EXOSC9: variants seen among roughly 807,000 people sequenced by gnomAD.
EXOSC9 encodes exosome component 9.
In EXOSC9, 38 loss-of-function variants were observed where a neutral mutation model predicts 56.5. The ratio of observed to expected loss-of-function variants is 0.67; its 90% CI spans 0.52 to 0.88. The LOEUF (loss-of-function observed/expected upper bound fraction) is 0.88, where lower values mean the gene tolerates loss of function less well. Among genes scored for constraint, EXOSC9 ranks in the 40% least tolerant of loss-of-function variants. The pLI is 0.00. For synonymous variants in EXOSC9, 170 were observed against 170.8 expected, an observed-to-expected ratio of 0.99 and a Z score of 0.04; for missense variants, 559 against 530.5, an observed-to-expected ratio of 1.05 and a Z score of -0.53.
intron 2 of EXOSC9, 82 bp from the exon 3 acceptor site, chr4:121,802,592 A>T: frequency 7.2e-7 from 1 of 1,390,584 alleles, no homozygotes; most frequent in African/African-American, 1.4e-5. Flanking sequence ...TCACATTAAG[A>T]TTGAAACTTG....
chr4:121,816,635 T>C (rs1056762425), intron 11 of EXOSC9, 137 bp from the exon 12 acceptor site: 1 of 929,264 alleles, frequency 1.1e-6, no homozygotes, highest in Non-Finnish European at 1.6e-6. Context: ...AAATCTATAA[T>C]ATAAACTTCT....
intron 8 of EXOSC9, among the ~76,000 whole-genome samples, chr4:121,812,327 G>A (rs1007409659): frequency 1.3e-5 from 2 of 152,064 alleles, no homozygotes; most frequent in African/African-American, 4.8e-5. Context: ...TTTTTCTTAA[G>A]GATCTTCCTT....
At chr4:121,816,081 G>A (rs1485953428) in intron 10 of EXOSC9, 9 of 682,860 alleles carry the variant, frequency 1.3e-5, no homozygotes, top group Admixed American at 9.9e-5. Context: ...CCTCAGCCTC[G>A]AGTAGCTGGG....
intron 11 of EXOSC9, 85 bp downstream of exon 11, chr4:121,816,532 C>T: frequency 1.1e-6 from 1 of 928,452 alleles, no homozygotes; most frequent in Non-Finnish European, 1.6e-6. Flanking sequence ...CTCATCTTGC[C>T]ACATGACTAT....
At position 121,801,831 on chromosome 4, in the gene EXOSC9, T is replaced by A; in HGVS notation, c.71T>A (p.Leu24Gln). The A allele has an allele frequency of 6.2e-7, 1 of 1,612,606 alleles. No homozygotes were observed. Among genetic ancestry groups the A allele is most frequent in the Non-Finnish European group, 8.5e-7 (1 of 1,178,554 alleles). Residue 24 changes from leucine (L) to glutamine (Q), a missense_variant, in exon 2 of 12, where the codon CTG (leucine) becomes CAG (glutamine). Physicochemically the swap from Leu to Gln is moderately radical, Grantham distance 113. Coordinates refer to ENST00000243498, the MANE Select transcript of EXOSC9 (RefSeq NM_005033.3). Reference sequence around the variant, plus strand: ...TGAATGAATTTGTGCTTACAGCGGCTGGATGGCAGACAAACCTATGATTAT... The same window carrying A: ...TGAATGAATTTGTGCTTACAGCGGCAGGATGGCAGACAAACCTATGATTAT... ...LLRAIEEKKR[L>Q]DGRQTYDYRN...
chr4:121,811,551 C>G (rs747107903), intron 7 of EXOSC9, 32 bp from the exon 8 acceptor site: 10 of 1,318,970 alleles, frequency 7.6e-6, no homozygotes, highest in Admixed American at 2.2e-5. Context: ...GGTTTATTGT[C>G]TTTAAACAAC....
chr4:121,811,257 T>C (rs1486769312), intron 7 of EXOSC9, among the ~76,000 whole-genome samples: 1 of 152,242 alleles, frequency 6.6e-6, no homozygotes, highest in Non-Finnish European at 1.5e-5. Flanking sequence ...TCATCATCTT[T>C]ACCAGCATCA....
chr4:121,815,765 G>A (rs1049597190), intron 10 of EXOSC9: 2 of 996,526 alleles, frequency 2.0e-6, no homozygotes, highest in African/African-American at 3.5e-5. Context: ...ATTTCTGGAG[G>A]AATAGAGTAG....
chr4:121,814,223 A>T (rs1222512392), intron 10 of EXOSC9, 176 bp downstream of exon 10: 5 of 416,566 alleles, frequency 1.2e-5, no homozygotes, highest in Non-Finnish European at 1.7e-5. Flanking sequence ...AGGATACTAT[A>T]TAGAGAGAAT....
At chr4:121,814,102 G>A (rs571405705) in intron 10 of EXOSC9, 55 bp downstream of exon 10, 78 of 1,073,558 alleles carry the variant, frequency 7.3e-5, no homozygotes, top group Middle Eastern at 2.7e-4. Context: ...TAGTATTACC[G>A]TATAGTTATA....
intron 1 of EXOSC9, 43 bp downstream of exon 1, chr4:121,801,533 C>T (rs780863932): frequency 2.5e-6 from 4 of 1,592,910 alleles, no homozygotes; most frequent in Non-Finnish European, 3.4e-6. Context: ...CGTGGGCGCT[C>T]GGGTCTCAAG....
rs780656730 is a variant in EXOSC9, at chr4:121,813,311, C to T, written c.905C>T (p.Pro302Leu). Residue 302 changes from proline (P) to leucine (L), a missense_variant, in exon 9 of 12, where the codon CCT becomes CTT. Physicochemically the swap from Pro to Leu is moderately conservative, Grantham distance 98. Coordinates refer to ENST00000243498, the MANE Select transcript of EXOSC9 (RefSeq NM_005033.3). Reference sequence around the variant, plus strand: ...ACAGCATTTAAAATGGAAAAGGCCCCTATTGATACCTCGGATGTAGAAGAA... The same window carrying T: ...ACAGCATTTAAAATGGAAAAGGCCCTTATTGATACCTCGGATGTAGAAGAA... The part of the protein sequence containing the change: ...RITAFKMEKA[P>L]IDTSDVEEKA... 16 of 1,613,510 alleles carry T rather than the reference C, an allele frequency of 9.9e-6. No individual in the cohort carries two copies. In the South Asian group the frequency reaches 1.8e-4, roughly 18 times the overall value.
At chr4:121,813,001 A>G (rs1450177083) in intron 8 of EXOSC9, among the ~76,000 whole-genome samples, 1 of 152,208 alleles carries the variant, frequency 6.6e-6, no homozygotes, top group East Asian at 1.9e-4. Flanking sequence ...AGAGAATAGT[A>G]TATTTTAAGC....
intron 4 of EXOSC9, among the ~76,000 whole-genome samples, chr4:121,803,744 G>A (rs1260742002): frequency 1.3e-5 from 2 of 151,970 alleles, no homozygotes; most frequent in African/African-American, 4.8e-5. Flanking sequence ...TTCACCAGCA[G>A]GCTAGTCTTG....
chr4:121,801,867 G>T lies in EXOSC9; in HGVS notation c.107G>T (p.Arg36Met). ...CAAACCTATGATTATAGGAACATCA[G>T]GATCTCATTTGGAACAGATTACGGA... The part of the protein sequence containing the change: ...GRQTYDYRNI[R>M]ISFGTDYGCC... Residue 36 changes from arginine (R) to methionine (M), a missense_variant, in exon 2 of 12, where the codon AGG (arginine) becomes ATG (methionine). By Grantham distance (91) the Arg-to-Met change is moderately conservative (BLOSUM62 -1). Coordinates refer to ENST00000243498, the MANE Select transcript of EXOSC9 (RefSeq NM_005033.3). 1.2e-6 allele frequency: 2 copies of T among 1,614,030 alleles called. No homozygotes were observed. The highest frequency in any genetic ancestry group is 1.7e-6 in the Non-Finnish European group (2 of 1,179,936).
chr4:121,801,516 C>T lies in EXOSC9; in HGVS notation c.66+26C>T, dbSNP rs374578778. ...GTATGGTTTGGTGCCCGCAGAATTG[C>T]GCGCTGCGTGGGCGCTCGGGTCTCA... On this transcript the variant is annotated intron_variant, in intron 1 of 11. Coordinates refer to ENST00000243498, the MANE Select transcript of EXOSC9 (RefSeq NM_005033.3). 4.0e-5 allele frequency: 64 copies of T among 1,610,922 alleles called. No individual in the cohort carries two copies. In the East Asian group the frequency reaches 4.7e-4, roughly 12 times the overall value.
chr4:121,804,548 A>G (rs1374859620), intron 4 of EXOSC9, 74 bp from the exon 5 acceptor site: 6 of 936,110 alleles, frequency 6.4e-6, no homozygotes, highest in Admixed American at 4.3e-5. Flanking sequence ...TTTGTACACA[A>G]TGTTACTTTT....
intron 2 of EXOSC9, 91 bp from the exon 3 acceptor site, chr4:121,802,579 TACTC>T (rs1560621748): frequency 7.8e-6 from 9 of 1,159,266 alleles, no homozygotes; most frequent in South Asian, 4.2e-5. Context: ...AGTATGATAT[TACTC>T]ACATTAAGAT....
At chr4:121,806,640 A>T (rs916585834) in intron 5 of EXOSC9, among the ~76,000 whole-genome samples, 5 of 152,246 alleles carry the variant, frequency 3.3e-5, no homozygotes, top group African/African-American at 4.8e-5. Flanking sequence ...AATAGATAAA[A>T]TGTCATATAT....
Sources: allele counts gnomAD v4.1 joint callset (sites outside exome capture counted in the v4.1 genomes callset), GRCh38; gene constraint gnomAD v4.1.1; transcripts MANE v1.5; gene names NCBI Gene and HGNC (gene_info 2026-07-23, HGNC 2026-07-21).